PDZRN3: variants seen among roughly 807,000 people sequenced by gnomAD.
The protein encoded by PDZRN3 is PDZ domain containing ring finger 3, also known as E3 ubiquitin-protein ligase PDZRN3.
In PDZRN3, 38 loss-of-function variants were observed where a neutral mutation model predicts 85.7. The observed-to-expected ratio is 0.44, with a 90% CI of 0.34 to 0.58. The LOEUF is 0.58. Among genes scored for constraint, PDZRN3 ranks in the 20% least tolerant of loss-of-function variants. The pLI is 0.01. For synonymous variants in PDZRN3, 759 were observed against 638.0 expected (o/e 1.19, Z -2.86); for missense variants, 1,629 against 1,506.4 (o/e 1.08, Z -1.35).
At chr3:73,463,879 A>C (rs774015629) in intron 3 of PDZRN3, among the ~76,000 whole-genome samples, 5 of 152,186 alleles carry the variant, frequency 3.3e-5, no homozygotes, top group Non-Finnish European at 5.9e-5. Flanking sequence ...TAATCTGTAC[A>C]ACCCCCATGA....
At chr3:73,536,538 A>G (rs1447816248) in intron 3 of PDZRN3, among the ~76,000 whole-genome samples, 1 of 152,242 alleles carries the variant, frequency 6.6e-6, no homozygotes, top group Non-Finnish European at 1.5e-5. Context: ...ACAGAAGCAC[A>G]TCTGAAACCT....
At chr3:73,394,204 C>A (rs2106701119) in intron 5 of PDZRN3, among the ~76,000 whole-genome samples, 1 of 152,314 alleles carries the variant, frequency 6.6e-6, no homozygotes, top group South Asian at 2.1e-4. Flanking sequence ...TTGCCACTAA[C>A]CTCACCTGTG....
In PDZRN3 at chr3:73,624,668, G is replaced by T; in HGVS notation, c.158C>A (p.Pro53Gln). Residue 53 changes from proline (P) to glutamine (Q), a missense_variant, in exon 1 of 10, where the codon CCG (proline) becomes CAG (glutamine). Coordinates refer to ENST00000263666, the MANE Select transcript of PDZRN3 (RefSeq NM_015009.3). ...CGACAGGCGACCGCGGCAGCGCGCC[G>T]GGCAGCTGCCCTCCTGCACCACCCA... is the stretch of plus-strand genomic sequence containing the variant. ...LPWVVQEGSC[P>Q]ARCRGRLSAK... 6.6e-7 allele frequency: 1 copy of T among 1,524,746 alleles called. No homozygotes were observed. The highest frequency in any genetic ancestry group is 8.8e-7 in the Non-Finnish European group (1 of 1,140,930). The allele number at this position is 1,524,746 out of a possible 1,614,324, so 94.5% of individuals were successfully genotyped here.
At chr3:73,395,560 C>A (rs1213188621) in intron 5 of PDZRN3, among the ~76,000 whole-genome samples, 1 of 152,168 alleles carries the variant, frequency 6.6e-6, no homozygotes, top group Admixed American at 6.5e-5. Context: ...GCATCAGCTA[C>A]CTTAATTAAA....
chr3:73,513,465 C>G lies in PDZRN3; in HGVS notation c.918+88889G>C, dbSNP rs115729858. On this transcript the variant is annotated intron_variant, in intron 3 of 9. Coordinates refer to ENST00000263666, the MANE Select transcript of PDZRN3 (RefSeq NM_015009.3). ...GATACATCAGGCAGCAGATGCTCAGCCCTAGGTTAATGATTAACGTGCTGG... is the reference window on the plus strand; with the variant it reads ...GATACATCAGGCAGCAGATGCTCAGGCCTAGGTTAATGATTAACGTGCTGG... Among the ~76,000 whole-genome samples the G allele has an allele frequency of 8.8e-3, 1,340 of 152,218 alleles. 16 individuals are homozygous for G. The highest frequency in any genetic ancestry group is 0.028 in the African/African-American group (1,165 of 41,516).
rs189589943 is a variant in PDZRN3 at position 73,406,091 on chromosome 3, T to C, written c.919-1696A>G. Among the ~76,000 whole-genome samples, 40 of 150,204 alleles carry C rather than the reference T, an allele frequency of 2.7e-4. 1 individual carries two copies. Among genetic ancestry groups the C allele is most frequent in the Non-Finnish European group, 4.7e-4 (32 of 68,024 alleles). ...TAATTTATTTACATCACGAGGGAGT[T>C]CGGCAGAAAAGAACTCTGGGTCACA... On this transcript the variant is annotated intron_variant, in intron 3 of 9. Coordinates refer to ENST00000263666, the MANE Select transcript of PDZRN3 (RefSeq NM_015009.3).
Position 73,383,481 on chromosome 3 carries a change from T to G in PDZRN3, c.3085A>C (p.Arg1029=), listed in dbSNP as rs770124259. Residue 1029 remains arginine (R), a synonymous_variant, in exon 10 of 10, where the codon AGG becomes CGG. Coordinates refer to ENST00000263666, the MANE Select transcript of PDZRN3 (RefSeq NM_015009.3). ...CAGTTATCGAAGATTTTCTTATTCC[T>G]CTTCTTCATCATCTTTTTGTGGCTC... is the stretch of plus-strand genomic sequence containing the variant. ...ELSHKKMMKK[R]NKKIFDNWMT... 6.2e-7 allele frequency: 1 copy of G among 1,614,108 alleles called. No homozygotes were observed. The highest frequency in any genetic ancestry group is 1.3e-5 in the African/African-American group (1 of 75,058).
intron 3 of PDZRN3, among the ~76,000 whole-genome samples, chr3:73,509,763 T>G (rs1559715160): frequency 6.6e-6 from 1 of 152,188 alleles, no homozygotes; most frequent in Non-Finnish European, 1.5e-5. Flanking sequence ...AATAATCAAT[T>G]CTTGCCCAAA....
intron 1 of PDZRN3, chr3:73,623,674 A>G (rs111865258): frequency 5.0e-4 from 78 of 156,730 alleles, no homozygotes; most frequent in Middle Eastern, 3.2e-3. Context: ...AATTCACCCA[A>G]TGTGTCCATC....
intron 3 of PDZRN3, chr3:73,433,946 A>C: frequency 7.4e-7 from 1 of 1,360,138 alleles, no homozygotes. Context: ...ACACACATAC[A>C]CACAGACATA....
chr3:73,387,649 T>C (rs182014935), intron 8 of PDZRN3, among the ~76,000 whole-genome samples: 2 of 152,342 alleles, frequency 1.3e-5, no homozygotes, highest in Non-Finnish European at 2.9e-5. Flanking sequence ...CTGGAACATA[T>C]GTCAGGCCTT....
chr3:73,624,218 G>A lies in PDZRN3; in HGVS notation c.608C>T (p.Ala203Val). The change falls in exon 1 of 10, where the codon GCC becomes GTC. Residue 203 changes from alanine to valine, a missense_variant. By Grantham distance (64) the Ala-to-Val change is moderately conservative. Transcript: ENST00000263666. ...CATCTGCAGCTCAAGCTGCGCCGCG[G>A]CCAGCTGGGCCACCAGCGACTTCTC... ...KREKSLVAQL[A>V]AAQLELQMTA... 3 of 1,486,346 alleles carry A rather than the reference G, an allele frequency of 2.0e-6. No homozygotes were observed. Among genetic ancestry groups the A allele is most frequent in the South Asian group, 2.6e-5 (2 of 78,112 alleles). 92.1% of individuals were successfully genotyped at this position (1,486,346 alleles called of 1,614,324 possible).
rs1702385188 is a variant in PDZRN3 at position 73,429,405 on chromosome 3, G to C, written c.919-25010C>G. ...TCATCCAATTAACCGTCATTAATTGGGTCCATACTTAATCGAACCGTGACC... is the reference window on the plus strand; with the variant it reads ...TCATCCAATTAACCGTCATTAATTGCGTCCATACTTAATCGAACCGTGACC... On this transcript the variant is annotated intron_variant, in intron 3 of 9. Transcript: ENST00000263666. 4.6e-5 allele frequency among the ~76,000 whole-genome samples: 7 copies of C among 152,122 alleles called. No individual in the cohort carries two copies. The South Asian group carries it at 1.5e-3, about 32-fold the overall frequency.
chr3:73,608,632 AG>A lies in PDZRN3; in HGVS notation c.775del (p.Leu259TrpfsTer28), dbSNP rs1379521948. 6.2e-7 allele frequency: 1 copy of A among 1,612,814 alleles called. No homozygotes were observed. Among genetic ancestry groups the A allele is most frequent in the Admixed American group, 1.7e-5 (1 of 59,954 alleles). ...TLVLHRDSGS[L>X]GFNIIGGRPS... is the part of the protein sequence containing the mutation. ...CCGGCCACCAATAATATTGAATCCC[AG>A]GGAGCCGGAGTCCCGATGCAGGACA... is the stretch of plus-strand genomic sequence containing the variant. On this transcript the variant is annotated frameshift_variant, in exon 2 of 10. Transcript: ENST00000263666. LOFTEE classifies it high-confidence loss of function.
At chr3:73,541,649 T>G (rs1333535254) in intron 3 of PDZRN3, among the ~76,000 whole-genome samples, 3 of 152,218 alleles carry the variant, frequency 2.0e-5, no homozygotes, top group Non-Finnish European at 2.9e-5. Context: ...TATATACATG[T>G]TGGACTTCTA....
At chr3:73,401,124 A>G (rs1701740218) in intron 4 of PDZRN3, 115 bp from the exon 5 acceptor site, 2 of 740,738 alleles carry the variant, frequency 2.7e-6, no homozygotes, top group East Asian at 2.6e-5. Flanking sequence ...GGGCCCTTTC[A>G]TGACTCACTT....
chr3:73,611,327 A>G (rs935063414), intron 1 of PDZRN3, among the ~76,000 whole-genome samples: 1 of 152,200 alleles, frequency 6.6e-6, no homozygotes, highest in African/African-American at 2.4e-5. Context: ...TCCAGCCCTG[A>G]CCTCAGAGAT....
chr3:73,414,618 T>C (rs1177546529), intron 3 of PDZRN3, among the ~76,000 whole-genome samples: 3 of 152,236 alleles, frequency 2.0e-5, no homozygotes, highest in Admixed American at 6.5e-5. Context: ...TATTAAACCA[T>C]GGTTTTAGTG....
intron 3 of PDZRN3, among the ~76,000 whole-genome samples, chr3:73,546,815 G>C (rs942592052): frequency 5.9e-5 from 9 of 152,242 alleles, no homozygotes; most frequent in Non-Finnish European, 8.8e-5. Context: ...GCGTGTTTCT[G>C]AAGATGAATG....
Sources: allele counts gnomAD v4.1 joint callset (sites outside exome capture counted in the v4.1 genomes callset), GRCh38; gene constraint gnomAD v4.1.1; transcripts MANE v1.5; gene names NCBI Gene and HGNC (gene_info 2026-07-23, HGNC 2026-07-21).